OR6J1: variants seen among roughly 807,000 people sequenced by gnomAD.
The protein encoded by OR6J1 is olfactory receptor 6J1.
For synonymous variants in OR6J1, 109 were observed against 70.0 expected, an observed-to-expected ratio of 1.56 and a Z score of -2.78; for missense variants, 304 against 166.8, an observed-to-expected ratio of 1.82 and a Z score of -4.53.
chr14:22,633,997 A>G lies in OR6J1; in HGVS notation c.815T>C (p.Ile272Thr). Residue 272 changes from isoleucine to threonine, a missense_variant, in exon 2 of 2, where the codon ATC becomes ACC. Ile to Thr is a moderately conservative substitution (Grantham distance 89). Transcript: ENST00000540461. Reference sequence around the variant, plus strand: ...CACCACACTGCTCAGAACCAAAGGGATCTTGTTGATCTCCAGATATTCTTT... The same window carrying G: ...CACCACACTGCTCAGAACCAAAGGGGTCTTGTTGATCTCCAGATATTCTTT... ...SQKEYLEINK[I>T]PLVLSSVVTP... is the part of the protein sequence containing the mutation. The G allele has an allele frequency of 1.4e-6, 1 of 702,878 alleles. No homozygotes were observed. The highest frequency in any genetic ancestry group is 1.5e-5 in the South Asian group (1 of 67,586). 43.5% of individuals were successfully genotyped at this position (702,878 alleles called of 1,614,324 possible). A position where few individuals can be genotyped will look rare whatever the true frequency, so the allele number is the denominator to read the frequency against.
chr14:22,641,323 A>AT (rs1488370832), intron 1 of OR6J1, among the ~76,000 whole-genome samples: 1 of 117,886 alleles, frequency 8.5e-6, no homozygotes, highest in Admixed American at 8.6e-5. Flanking sequence ...GAGAGAGAGG[A>AT]AGGAAGGAAG....
At position 22,639,632 on chromosome 14, in the gene OR6J1, C is replaced by T. The variant is rs1319866042; in HGVS notation, c.-28+4466G>A. The stretch of plus-strand genomic sequence containing the variant: ...GACATGGGAGACTTTTCATTTTGTT[C>T]TGTACTAAGAAAAATTCCTCTGCCT... On this transcript the variant is annotated intron_variant, in intron 1 of 1. Coordinates refer to ENST00000540461, the MANE Select transcript of OR6J1 (RefSeq NM_001348233.2). 1.0e-4 allele frequency among the ~76,000 whole-genome samples: 13 copies of T among 127,068 alleles called. 3 individuals carry two copies. Among genetic ancestry groups the T allele is most frequent in the Non-Finnish European group, 2.0e-4 (13 of 63,432 alleles). The allele number at this position is 127,068 out of a possible 152,430, so 83.4% of individuals were successfully genotyped here.
At chr14:22,643,752 C>CAGAG (rs1270936188) in intron 1 of OR6J1, among the ~76,000 whole-genome samples, 20 of 107,272 alleles carry the variant, frequency 1.9e-4, no homozygotes, top group African/African-American at 5.6e-4. Context: ...CACACACACA[C>CAGAG]ACACACACAC....
In OR6J1 at chr14:22,639,395, G is replaced by A. The variant is rs1374122685; in HGVS notation, c.-27-4557C>T. ...AGCCCCCCGCCCGGCCAGCCGCCCC[G>A]TCCGGGAGGTGAGGGGCGCCTCTGC... On this transcript the variant is annotated intron_variant, in intron 1 of 1. Transcript: ENST00000540461. 3.2e-4 allele frequency among the ~76,000 whole-genome samples: 42 copies of A among 129,298 alleles called. 2 individuals carry two copies. Among genetic ancestry groups the A allele is most frequent in the African/African-American group, 1.0e-3 (30 of 29,046 alleles). 84.8% of individuals were successfully genotyped at this position (129,298 alleles called of 152,430 possible).
intron 1 of OR6J1, among the ~76,000 whole-genome samples, chr14:22,637,180 C>T (rs1443795575): frequency 0.015 from 1,502 of 100,860 alleles, 97 homozygotes; most frequent in African/African-American, 0.093. Context: ...GCCTGGCAAC[C>T]GCCCCGTCTG....
intron 1 of OR6J1, among the ~76,000 whole-genome samples, chr14:22,638,772 G>A (rs1320758160): frequency 2.6e-5 from 4 of 152,182 alleles, no homozygotes; most frequent in African/African-American, 7.2e-5. Flanking sequence ...AGGATGTGGA[G>A]ACTTAAAAAA....
intron 1 of OR6J1, among the ~76,000 whole-genome samples, chr14:22,636,972 C>T (rs1167325458): frequency 1.6e-5 from 2 of 125,982 alleles, no homozygotes; most frequent in African/African-American, 4.0e-5. Context: ...AAGCGAGGAG[C>T]GCCTCTTCCC....
chr14:22,637,799 G>A (rs1222433257), intron 1 of OR6J1, among the ~76,000 whole-genome samples: 1 of 59,092 alleles, frequency 1.7e-5, no homozygotes, highest in Admixed American at 1.2e-4. Context: ...CTGCCCGGCC[G>A]CCCCTACTGG....
intron 1 of OR6J1, among the ~76,000 whole-genome samples, chr14:22,638,662 AATAAAAAAAAAAT>A (rs2037615064): frequency 2.5e-5 from 1 of 39,454 alleles, no homozygotes. Context: ...AAAAAATAAA[AATAAAAAAAAAAT>A]AAAAAAAATT....
At chr14:22,637,270 G>A (rs1403640411) in intron 1 of OR6J1, among the ~76,000 whole-genome samples, 4 of 70,752 alleles carry the variant, frequency 5.7e-5, no homozygotes, top group Non-Finnish European at 1.0e-4. Flanking sequence ...CACCCCGTCC[G>A]GGAGGGAGGT....
rs371471673 is a variant in OR6J1, at chr14:22,635,655, A to C, written c.-27-817T>G. 3.3e-5 allele frequency among the ~76,000 whole-genome samples: 5 copies of C among 152,244 alleles called. No homozygotes were observed. The East Asian group carries it at 7.7e-4, about 23-fold the overall frequency. ...ACATAAAAATGACCAATGGAACAAAATACAGAGCCAAGACACAGACCCACA... is the reference window on the plus strand; with the variant it reads ...ACATAAAAATGACCAATGGAACAAACTACAGAGCCAAGACACAGACCCACA... On this transcript the variant is annotated intron_variant, in intron 1 of 1. Coordinates refer to ENST00000540461, the MANE Select transcript of OR6J1 (RefSeq NM_001348233.2).
chr14:22,635,411 A>G (rs11157710), intron 1 of OR6J1, among the ~76,000 whole-genome samples: 31,146 of 152,194 alleles, frequency 0.2, 3,544 homozygotes, highest in African/African-American at 0.31. Flanking sequence ...TTATTTAAGT[A>G]TTTATTATTA....
chr14:22,634,875 T>G (rs1056033853), intron 1 of OR6J1, 37 bp from the exon 2 acceptor site: 5 of 604,676 alleles, frequency 8.3e-6, no homozygotes, highest in African/African-American at 5.5e-5. Context: ...TAAGAGAGTG[T>G]TCAGTGGATG....
At chr14:22,641,467 A>AG (rs2037651448) in intron 1 of OR6J1, among the ~76,000 whole-genome samples, 1 of 41,792 alleles carries the variant, frequency 2.4e-5, no homozygotes, top group African/African-American at 6.0e-5. Context: ...GAAAGAAAGA[A>AG]AAAGAAAGAA....
At chr14:22,637,944 G>A (rs1219538317) in intron 1 of OR6J1, among the ~76,000 whole-genome samples, 1 of 89,832 alleles carries the variant, frequency 1.1e-5, no homozygotes, top group South Asian at 3.2e-4. Context: ...CCGTCCGGGA[G>A]GTGAGGGAGG....
intron 1 of OR6J1, among the ~76,000 whole-genome samples, chr14:22,639,334 G>T (rs1300971269): frequency 7.7e-6 from 1 of 130,136 alleles, no homozygotes; most frequent in Non-Finnish European, 1.6e-5. Context: ...CCTCTGCCCG[G>T]CCAGCCACCC....
At chr14:22,642,891 C>T (rs1019062950) in intron 1 of OR6J1, among the ~76,000 whole-genome samples, 1 of 152,048 alleles carries the variant, frequency 6.6e-6, no homozygotes, top group Non-Finnish European at 1.5e-5. Context: ...CAGCCCCAAA[C>T]TCCTGGGCTC....
chr14:22,640,483 GTAT>G (rs2037637428), intron 1 of OR6J1, among the ~76,000 whole-genome samples: 1 of 132,652 alleles, frequency 7.5e-6, no homozygotes, highest in African/African-American at 3.1e-5. Flanking sequence ...CAGTGAGAAT[GTAT>G]TTTTTTTTTT....
chr14:22,643,336 C>T (rs530393439), intron 1 of OR6J1, among the ~76,000 whole-genome samples: 2 of 151,638 alleles, frequency 1.3e-5, no homozygotes, highest in East Asian at 3.9e-4. Context: ...CACTCTGTCA[C>T]CCAGGCTGGA....
Sources: allele counts gnomAD v4.1 joint callset (sites outside exome capture counted in the v4.1 genomes callset), GRCh38; gene constraint gnomAD v4.1.1; transcripts MANE v1.5; gene names NCBI Gene and HGNC (gene_info 2026-07-23, HGNC 2026-07-21).